Variants in C1orf105 observed in about 807,000 individuals in gnomAD.
C1orf105 encodes the protein chromosome 1 open reading frame 105, also known as uncharacterized protein C1orf105.
In C1orf105, 17 loss-of-function variants were observed where a neutral mutation model predicts 20.8. The ratio of observed to expected loss-of-function variants is 0.82; its 90% confidence interval spans 0.56 to 1.23. The LOEUF is 1.23. Among genes scored for constraint, C1orf105 ranks in the 50% most tolerant of loss-of-function variants. C1orf105 has a pLI of 0.00. For missense variants in C1orf105, 219 were observed against 213.5 expected, an observed-to-expected ratio of 1.03 and a Z score of -0.16; for synonymous variants, 72 against 72.1, an observed-to-expected ratio of 1.00 and a Z score of 0.01.
intron 1 of C1orf105, among the ~76,000 whole-genome samples, chr1:172,438,085 T>A (rs2072100406): frequency 6.6e-6 from 1 of 152,130 alleles, no homozygotes; most frequent in South Asian, 2.1e-4. Flanking sequence ...TACAGCATGA[T>A]ATACTGAATA....
chr1:172,462,312 A>G, intron 5 of C1orf105, 67 bp downstream of exon 5: 2 of 1,164,474 alleles, frequency 1.7e-6, no homozygotes, highest in Non-Finnish European at 1.2e-6. Flanking sequence ...AGGAGAGTGG[A>G]TTGAGAAGCC....
chr1:172,447,441 A>C (rs780568474), intron 2 of C1orf105, among the ~76,000 whole-genome samples: 3 of 152,170 alleles, frequency 2.0e-5, no homozygotes, highest in Non-Finnish European at 4.4e-5. Flanking sequence ...AAAGCCCTTC[A>C]AGTCACACTA....
intron 4 of C1orf105, among the ~76,000 whole-genome samples, chr1:172,459,721 A>C (rs913475183): frequency 4.6e-5 from 7 of 152,190 alleles, no homozygotes; most frequent in African/African-American, 1.7e-4. Flanking sequence ...AAGAGAACTA[A>C]AAACATATTC....
At chr1:172,466,568 TCACATACACACACA>T (rs1650069594) in intron 6 of C1orf105, among the ~76,000 whole-genome samples, 1 of 119,524 alleles carries the variant, frequency 8.4e-6, no homozygotes, top group Non-Finnish European at 1.7e-5. Context: ...AAGGAATGAA[TCACATACACACACA>T]CACACACACA....
chr1:172,467,850 T>C (rs542814606), intron 6 of C1orf105, among the ~76,000 whole-genome samples: 1 of 152,240 alleles, frequency 6.6e-6, no homozygotes, highest in Admixed American at 6.5e-5. Flanking sequence ...TCTGGAAAAA[T>C]TGAATATTAA....
rs867969720 is a variant in C1orf105, at chr1:172,456,483, G to A, written c.267G>A (p.Met89Ile). The A allele has an allele frequency of 1.2e-6, 2 of 1,613,202 alleles. No homozygotes were observed. Among genetic ancestry groups the A allele is most frequent in the South Asian group, 1.1e-5 (1 of 91,082 alleles). Residue 89 changes from methionine (M) to isoleucine (I), a missense_variant, in exon 4 of 7, where the codon ATG (methionine) becomes ATA (isoleucine). Physicochemically the swap from Met to Ile is conservative, Grantham distance 10. Coordinates refer to ENST00000367727, the MANE Select transcript of C1orf105 (RefSeq NM_139240.4). Reference sequence around the variant, plus strand: ...AGCTGTGCTCCACATGTCAAGAAATGAAAATGGTAGGCAAGGGGGAAGACA... The same window carrying A: ...AGCTGTGCTCCACATGTCAAGAAATAAAAATGGTAGGCAAGGGGGAAGACA... ...NQQLCSTCQE[M>I]KMVQPRTMKI...
intron 1 of C1orf105, chr1:172,444,434 C>A: frequency 4.6e-6 from 2 of 437,054 alleles, no homozygotes; most frequent in Non-Finnish European, 6.1e-6. Flanking sequence ...TGAATGCCTG[C>A]ATGTAACAAG....
intron 5 of C1orf105, 28 bp downstream of exon 5, chr1:172,462,273 G>A (rs776121792): frequency 4.0e-6 from 6 of 1,514,554 alleles, no homozygotes; most frequent in Admixed American, 1.8e-5. Flanking sequence ...ATCAGGACAT[G>A]ACTTAATTCT....
intron 6 of C1orf105, among the ~76,000 whole-genome samples, chr1:172,466,314 A>T (rs1007174528): frequency 6.6e-6 from 1 of 152,130 alleles, no homozygotes; most frequent in Non-Finnish European, 1.5e-5. Flanking sequence ...TATGTATACC[A>T]AAATATTGGC....
chr1:172,443,321 T>C (rs1440353406), intron 1 of C1orf105: 1 of 167,096 alleles, frequency 6.0e-6, no homozygotes, highest in Non-Finnish European at 1.5e-5. Flanking sequence ...TTTATAGGGA[T>C]AATATCCATA....
intron 1 of C1orf105, among the ~76,000 whole-genome samples, chr1:172,432,953 G>A (rs921713792): frequency 2.6e-5 from 4 of 152,180 alleles, no homozygotes; most frequent in Non-Finnish European, 2.9e-5. Context: ...ACCATGGTAC[G>A]AGAACTATGT....
rs777645991 is a variant in C1orf105, at chr1:172,423,240, G to A, written c.21+2334G>A. Among the ~76,000 whole-genome samples, 53 of 152,326 alleles carry A rather than the reference G, an allele frequency of 3.5e-4. No individual in the cohort carries two copies. The Middle Eastern group carries it at 0.014, about 39-fold the overall frequency. The stretch of plus-strand genomic sequence containing the variant: ...AGTCCCAGTAGTGGTGGCCACAGGA[G>A]TGCTTATATCACCCCTCCCTTAGCT... On this transcript the variant is annotated intron_variant, in intron 1 of 6. Transcript: ENST00000367727.
intron 3 of C1orf105, among the ~76,000 whole-genome samples, chr1:172,453,640 C>T (rs771166961): frequency 2.6e-5 from 4 of 152,124 alleles, no homozygotes; most frequent in African/African-American, 9.7e-5. Flanking sequence ...ATCATAGGTT[C>T]TAGGAATACA....
intron 6 of C1orf105, among the ~76,000 whole-genome samples, chr1:172,466,224 C>A (rs891089393): frequency 6.6e-6 from 1 of 152,036 alleles, no homozygotes; most frequent in Non-Finnish European, 1.5e-5. Flanking sequence ...AAGGGAGGAC[C>A]AGAACTCAGG....
chr1:172,432,706 TCTC>T (rs1376296238), intron 1 of C1orf105, among the ~76,000 whole-genome samples: 2 of 152,132 alleles, frequency 1.3e-5, no homozygotes, highest in African/African-American at 4.8e-5. Context: ...GAGCGCCTCT[TCTC>T]CTCCAAAGGA....
At chr1:172,455,048 G>A (rs989581615) in intron 3 of C1orf105, among the ~76,000 whole-genome samples, 1 of 152,198 alleles carries the variant, frequency 6.6e-6, no homozygotes, top group African/African-American at 2.4e-5. Context: ...GATGTTTACT[G>A]TTGAATGAAT....
At chr1:172,430,682 T>C (rs1011007843) in intron 1 of C1orf105, among the ~76,000 whole-genome samples, 2 of 152,026 alleles carry the variant, frequency 1.3e-5, no homozygotes, top group Non-Finnish European at 2.9e-5. Context: ...TTCAAGCAAT[T>C]TTCCCACCTC....
At chr1:172,444,304 A>G in intron 1 of C1orf105, 1 of 985,466 alleles carries the variant, frequency 1.0e-6, no homozygotes, top group South Asian at 4.7e-5. Context: ...AGAGAGGACA[A>G]GGAAAGAGGC....
Position 172,445,170 on chromosome 1 carries a change from G to A in C1orf105, c.107+12G>A. ...AGCCTTCCCAGAAGGTAACCTCTCA[G>A]CCACCGAGGGCAAAAGTTTTACGAA... On this transcript the variant is annotated intron_variant, in intron 2 of 6. Coordinates refer to ENST00000367727, the MANE Select transcript of C1orf105 (RefSeq NM_139240.4). 1 of 1,595,480 alleles carries A rather than the reference G, an allele frequency of 6.3e-7. No individual in the cohort carries two copies. Among genetic ancestry groups the A allele is most frequent in the Non-Finnish European group, 8.6e-7 (1 of 1,168,032 alleles).
Sources: gnomAD v4.1 joint callset for allele counts (sites outside exome capture counted in the v4.1 genomes callset) on GRCh38, gnomAD v4.1.1 for gene constraint, MANE v1.5 for transcripts, NCBI Gene and HGNC (gene_info 2026-07-23, HGNC 2026-07-21) for gene names.